The following SPEF2 variants were observed in gnomAD, a reference collection of about 807,000 sequenced individuals.
SPEF2 encodes sperm flagella and cilia-associated protein 2.
In SPEF2, 187 loss-of-function variants were observed where a neutral mutation model predicts 224.6. The ratio of observed to expected loss-of-function variants is 0.83; its 90% confidence interval spans 0.74 to 0.94. The LOEUF (loss-of-function observed/expected upper bound fraction) is 0.94, where lower values mean the gene tolerates loss of function less well. Among genes scored for constraint, SPEF2 ranks in the 40% least tolerant of loss-of-function variants. The pLI is 0.00. For missense variants in SPEF2, 2,170 were observed against 2,135.6 expected (o/e 1.02, Z -0.32); for synonymous variants, 715 against 707.3 (o/e 1.01, Z -0.17).
intron 18 of SPEF2, 98 bp downstream of exon 18, chr5:35,705,906 C>T: frequency 1.3e-6 from 1 of 771,792 alleles, no homozygotes; most frequent in East Asian, 3.1e-5. Flanking sequence ...AAAGTTCTTT[C>T]TTATCTTTGG....
At chr5:35,701,585 G>T (rs944950346) in intron 16 of SPEF2, among the ~76,000 whole-genome samples, 1 of 152,080 alleles carries the variant, frequency 6.6e-6, no homozygotes, top group Non-Finnish European at 1.5e-5. Context: ...GGACCCTTGG[G>T]GGTACCTGAT....
intron 34 of SPEF2, among the ~76,000 whole-genome samples, chr5:35,804,811 T>C (rs537025267): frequency 6.6e-5 from 10 of 152,214 alleles, no homozygotes; most frequent in Non-Finnish European, 1.2e-4. Flanking sequence ...GAGCCCAGGT[T>C]CCTTCTTTGC....
intron 10 of SPEF2, among the ~76,000 whole-genome samples, chr5:35,674,335 TTC>T (rs1491059311): frequency 3.3e-5 from 4 of 120,700 alleles, no homozygotes; most frequent in South Asian, 3.1e-4. Flanking sequence ...TCTTTTCGTC[TTC>T]TTTTTTTTTT....
At chr5:35,743,149 C>T (rs1747952098) in intron 23 of SPEF2, among the ~76,000 whole-genome samples, 1 of 151,314 alleles carries the variant, frequency 6.6e-6, no homozygotes. Flanking sequence ...GACACACTCC[C>T]TTTTATTTTT....
intron 30 of SPEF2, chr5:35,787,771 A>C (rs10058955): frequency 0.73 from 372,908 of 512,966 alleles, 137,557 homozygotes; most frequent in African/African-American, 0.91. Context: ...AAAATTTTTC[A>C]AAAACTAGTG....
At chr5:35,695,391 C>T (rs1263189105) in intron 13 of SPEF2, among the ~76,000 whole-genome samples, 1 of 151,248 alleles carries the variant, frequency 6.6e-6, no homozygotes, top group Non-Finnish European at 1.5e-5. Context: ...AACATTTTAA[C>T]ATTTTTTTGA....
intron 26 of SPEF2, 137 bp downstream of exon 26, chr5:35,763,839 C>A: frequency 1.3e-6 from 1 of 747,374 alleles, no homozygotes; most frequent in Non-Finnish European, 2.0e-6. Flanking sequence ...CATTTTTTTT[C>A]TGAAAGAAAT....
At chr5:35,623,324 T>G (rs1743784004) in intron 1 of SPEF2, among the ~76,000 whole-genome samples, 1 of 152,198 alleles carries the variant, frequency 6.6e-6, no homozygotes, top group Admixed American at 6.5e-5. Context: ...TTTGTTTTTG[T>G]TTTTTATCTC....
At chr5:35,667,048 A>G (rs1230288846) in intron 8 of SPEF2, 24 bp from the exon 9 acceptor site, 5 of 1,576,470 alleles carry the variant, frequency 3.2e-6, no homozygotes, top group Non-Finnish European at 4.3e-6. Flanking sequence ...ATAGTGACTT[A>G]AAAATATGTT....
intron 36 of SPEF2, among the ~76,000 whole-genome samples, chr5:35,813,833 A>T (rs933078607): frequency 4.0e-5 from 2 of 50,356 alleles, no homozygotes; most frequent in African/African-American, 2.1e-4. Context: ...ATTGTGAAAT[A>T]AAAAAAAAAA....
intron 21 of SPEF2, among the ~76,000 whole-genome samples, chr5:35,729,248 T>A (rs917502937): frequency 6.6e-6 from 1 of 151,238 alleles, no homozygotes; most frequent in Non-Finnish European, 1.5e-5. Context: ...GATTATTCCC[T>A]CCCCTCCAAC....
intron 1 of SPEF2, among the ~76,000 whole-genome samples, chr5:35,627,130 G>T (rs549854197): frequency 2.0e-5 from 3 of 151,696 alleles, no homozygotes; most frequent in African/African-American, 7.3e-5. Flanking sequence ...TTGAATATCT[G>T]TGGAGGATTT....
chr5:35,664,384 AGAAG>A (rs1173383334), intron 8 of SPEF2, among the ~76,000 whole-genome samples: 2 of 151,212 alleles, frequency 1.3e-5, no homozygotes, highest in Non-Finnish European at 3.0e-5. Flanking sequence ...AAGGAAGGAA[AGAAG>A]GAAGGAAGGA....
chr5:35,700,750 T>C lies in SPEF2; in HGVS notation c.2396T>C (p.Ile799Thr). The change falls in exon 16 of 37, where the codon ATA becomes ACA. Residue 799 changes from isoleucine (I) to threonine (T), a missense_variant and splice_region_variant. Coordinates refer to ENST00000356031, the MANE Select transcript of SPEF2 (RefSeq NM_024867.4). ...TCAATGAGTCGCATGAATGATATTATAGGTAAGCTGGACACCTTTTTTGAC... is the reference window on the plus strand; with the variant it reads ...TCAATGAGTCGCATGAATGATATTACAGGTAAGCTGGACACCTTTTTTGAC... ...TSSMSRMNDI[I>T]AEELSYKTAH... 3 of 1,613,196 alleles carry C rather than the reference T, an allele frequency of 1.9e-6. No individual in the cohort carries two copies. The highest frequency in any genetic ancestry group is 2.2e-5 in the East Asian group (1 of 44,862).
chr5:35,662,673 A>G (rs1458528659), intron 8 of SPEF2, among the ~76,000 whole-genome samples: 1 of 152,172 alleles, frequency 6.6e-6, no homozygotes, highest in Non-Finnish European at 1.5e-5. Flanking sequence ...AGCACCATCT[A>G]TCAAATAGGA....
In SPEF2 at chr5:35,666,669, T is replaced by C. The variant is rs78769440; in HGVS notation, c.1168-403T>C. Among the ~76,000 whole-genome samples, 265 of 152,240 alleles carry C rather than the reference T, an allele frequency of 1.7e-3. 2 individuals are homozygous for C. The highest frequency in any genetic ancestry group is 6.2e-3 in the African/African-American group (257 of 41,542). The stretch of plus-strand genomic sequence containing the variant: ...AATGGCTATAGCAGATGTGTCAAAA[T>C]TGGCACTTTGGAGGTGGGAGGGAGG... On this transcript the variant is annotated intron_variant, in intron 8 of 36. Coordinates refer to ENST00000356031, the MANE Select transcript of SPEF2 (RefSeq NM_024867.4).
At chr5:35,735,664 C>T (rs1360328695) in intron 21 of SPEF2, among the ~76,000 whole-genome samples, 1 of 151,986 alleles carries the variant, frequency 6.6e-6, no homozygotes. Context: ...AATGCGCAGC[C>T]AATAAGGGAA....
At position 35,753,860 on chromosome 5, in the gene SPEF2, C is replaced by T. The variant is rs926887680; in HGVS notation, c.3468+99C>T. 4.2e-5 allele frequency: 61 copies of T among 1,465,000 alleles called. No individual in the cohort carries two copies. In the African/African-American group the frequency reaches 7.6e-4, roughly 18 times the overall value. 90.8% of individuals were successfully genotyped at this position (1,465,000 alleles called of 1,614,324 possible). A position where few individuals can be genotyped will look rare whatever the true frequency, so the allele number is the denominator to read the frequency against. On this transcript the variant is annotated intron_variant, in intron 24 of 36. Transcript: ENST00000356031. Reference sequence around the variant, plus strand: ...TTCTTGGGAATATGAGAGGTCTGTTCAGGGCTCATTTTGGTATAGCACTAT... The same window carrying T: ...TTCTTGGGAATATGAGAGGTCTGTTTAGGGCTCATTTTGGTATAGCACTAT...
In SPEF2 at chr5:35,659,268, G is replaced by A. The variant is rs138103362; in HGVS notation, c.1167+61G>A. ...TACTTTTGTTTCTTTCTACCAAGTCGTGGTAAACAAAGCTATATTTTGTTG... is the reference window on the plus strand; with the variant it reads ...TACTTTTGTTTCTTTCTACCAAGTCATGGTAAACAAAGCTATATTTTGTTG... On this transcript the variant is annotated intron_variant, in intron 8 of 36. Coordinates refer to ENST00000356031, the MANE Select transcript of SPEF2 (RefSeq NM_024867.4). The A allele has an allele frequency of 8.3e-3, 12,207 of 1,462,006 alleles. 70 individuals carry two copies. Among genetic ancestry groups the A allele is most frequent in the Non-Finnish European group, 0.01 (11,072 of 1,090,880 alleles). 90.6% of individuals were successfully genotyped at this position (1,462,006 alleles called of 1,614,324 possible).
Sources: allele counts gnomAD v4.1 joint callset (sites outside exome capture counted in the v4.1 genomes callset), GRCh38; gene constraint gnomAD v4.1.1; transcripts MANE v1.5; gene names NCBI Gene and HGNC (gene_info 2026-07-23, HGNC 2026-07-21).